Variants in ZNF451 observed in about 807,000 individuals in gnomAD.
ZNF451 encodes the protein zinc finger protein 451, also known as E3 SUMO-protein ligase ZNF451.
ZNF451 carries 80 observed loss-of-function variants against 107.1 expected under a neutral mutation model. The observed-to-expected ratio is 0.75, with a 90% confidence interval of 0.62 to 0.90. The LOEUF is 0.90. Among genes scored for constraint, ZNF451 ranks in the 40% least tolerant of loss-of-function variants. The pLI, the probability that ZNF451 is intolerant of heterozygous loss-of-function variation, is 0.00. For synonymous variants in ZNF451, 362 were observed against 406.5 expected (o/e 0.89, Z 1.32); for missense variants, 1,107 against 1,236.2 (o/e 0.90, Z 1.57).
At chr6:57,113,176 C>T (rs1431629979) in intron 3 of ZNF451, among the ~76,000 whole-genome samples, 1 of 152,086 alleles carries the variant, frequency 6.6e-6, no homozygotes, top group Non-Finnish European at 1.5e-5. Context: ...GTCTGCTGTT[C>T]CCCTATTTGT....
At chr6:57,156,386 A>T (rs1273040814) in intron 13 of ZNF451, among the ~76,000 whole-genome samples, 2 of 152,178 alleles carry the variant, frequency 1.3e-5, no homozygotes, top group Non-Finnish European at 2.9e-5. Flanking sequence ...AGTTTCTATT[A>T]AGGAATGGTA....
rs185447788 is a variant in ZNF451 at position 57,167,195 on chromosome 6, A to G, written c.3140-1228A>G. ...TTCGTATATATATACACACACACAC[A>G]CACACACACATATATACATATAACC... On this transcript the variant is annotated intron_variant, in intron 14 of 14. Coordinates refer to ENST00000370706, the MANE Select transcript of ZNF451 (RefSeq NM_001031623.3). Among the ~76,000 whole-genome samples the G allele has an allele frequency of 5.7e-3, 871 of 152,130 alleles. 5 individuals are homozygous for G. Among genetic ancestry groups the G allele is most frequent in the African/African-American group, 0.02 (842 of 41,496 alleles).
intron 2 of ZNF451, among the ~76,000 whole-genome samples, chr6:57,093,436 A>G (rs918223641): frequency 6.6e-6 from 1 of 152,188 alleles, no homozygotes; most frequent in African/African-American, 2.4e-5. Context: ...TGGGGCTGTG[A>G]TTGGTTTAAT....
At position 57,169,858 on chromosome 6, in the gene ZNF451, A is replaced by G. The variant is rs1373407128; in HGVS notation, c.*1389A>G. ...GTGGTCAAGCAAGGCTCTAGGAGGTAGTCACTGAGCTGGACCTTAAACACA... is the reference window on the plus strand; with the variant it reads ...GTGGTCAAGCAAGGCTCTAGGAGGTGGTCACTGAGCTGGACCTTAAACACA... On this transcript the variant is annotated 3_prime_UTR_variant, in exon 15 of 15. Coordinates refer to ENST00000370706, the MANE Select transcript of ZNF451 (RefSeq NM_001031623.3). 6.6e-6 allele frequency: 1 copy of G among 152,210 alleles called. No homozygotes were observed. The highest frequency in any genetic ancestry group is 1.5e-5 in the Non-Finnish European group (1 of 68,044). 9.4% of individuals were successfully genotyped at this position (152,210 alleles called of 1,614,324 possible).
rs1400582543 is a variant in ZNF451 at position 57,148,143 on chromosome 6, T to A, written c.2058T>A (p.Tyr686Ter). 2 of 1,613,980 alleles carry A rather than the reference T, an allele frequency of 1.2e-6. No homozygotes were observed. Among genetic ancestry groups the A allele is most frequent in the African/African-American group, 2.7e-5 (2 of 74,924 alleles). ...FNVEEAFLSH[Y>*]EEHHSIDYVF... ...TGGAAGAAGCATTTCTGAGTCATTA[T>A]GAGGAGCACCACAGCATAGATTATG... Residue 686 changes from tyrosine (Y) to a stop codon, truncating the protein, a stop_gained, in exon 10 of 15, where the codon TAT (tyrosine) becomes TAA (stop). Coordinates refer to ENST00000370706, the MANE Select transcript of ZNF451 (RefSeq NM_001031623.3). LOFTEE classifies it high-confidence loss of function.
chr6:57,146,995 C>G lies in ZNF451; in HGVS notation c.1005-95C>G, dbSNP rs754832980. On this transcript the variant is annotated intron_variant, in intron 9 of 14. Coordinates refer to ENST00000370706, the MANE Select transcript of ZNF451 (RefSeq NM_001031623.3). The stretch of plus-strand genomic sequence containing the variant: ...AAGTATCTTTTAGTGCTTATTTATA[C>G]GTTGGTTATTTTATAATTCCTGCAA... 7 of 1,117,056 alleles carry G rather than the reference C, an allele frequency of 6.3e-6. No individual in the cohort carries two copies. In the African/African-American group the frequency reaches 1.1e-4, roughly 18 times the overall value. The allele number at this position is 1,117,056 out of a possible 1,614,324, so 69.2% of individuals were successfully genotyped here.
intron 4 of ZNF451, among the ~76,000 whole-genome samples, chr6:57,128,127 T>C (rs1831018309): frequency 6.6e-6 from 1 of 152,200 alleles, no homozygotes; most frequent in Non-Finnish European, 1.5e-5. Flanking sequence ...ACATATTAAG[T>C]GCTAATGAGT....
intron 3 of ZNF451, chr6:57,106,972 A>G (rs1164431236): frequency 4.3e-6 from 4 of 926,664 alleles, no homozygotes; most frequent in Non-Finnish European, 5.2e-6. Flanking sequence ...TTCCTGGATG[A>G]ACAGAATATT....
chr6:57,104,774 A>C, intron 3 of ZNF451: 1 of 985,364 alleles, frequency 1.0e-6, no homozygotes, highest in Non-Finnish European at 1.2e-6. Flanking sequence ...GCCCAGTAAT[A>C]AGTAAAAGTA....
intron 13 of ZNF451, chr6:57,159,123 T>C (rs551374977): frequency 2.6e-4 from 259 of 985,376 alleles, no homozygotes; most frequent in Non-Finnish European, 3.1e-4. Context: ...GTTGATAAAA[T>C]TAATTCCATG....
intron 14 of ZNF451, among the ~76,000 whole-genome samples, chr6:57,163,426 A>G (rs1763754643): frequency 7.8e-6 from 1 of 128,642 alleles, no homozygotes; most frequent in Non-Finnish European, 1.7e-5. Flanking sequence ...TTGCTTGTTA[A>G]ATGAATAAAC....
intron 3 of ZNF451, chr6:57,106,780 C>T (rs562736876): frequency 2.3e-5 from 23 of 985,060 alleles, no homozygotes; most frequent in African/African-American, 3.5e-5. Context: ...TAGACTAGAT[C>T]GATTCTGTGT....
rs920154994 is a variant in ZNF451 at position 57,108,437 on chromosome 6, C to A, written c.186+9296C>A. The A allele has an allele frequency of 4.1e-6, 4 of 985,176 alleles. No individual in the cohort carries two copies. In the East Asian group the frequency reaches 4.5e-4, roughly 112 times the overall value. 61.0% of individuals were successfully genotyped at this position (985,176 alleles called of 1,614,324 possible). On this transcript the variant is annotated intron_variant, in intron 3 of 14. Transcript: ENST00000370706. ...ACTATATGTTGTGGTCCCTTAATAC[C>A]TCTTTTGATTGGTGAGGTAACAGTG...
intron 14 of ZNF451, among the ~76,000 whole-genome samples, chr6:57,163,332 G>A (rs913317700): frequency 2.5e-4 from 37 of 150,226 alleles, no homozygotes; most frequent in African/African-American, 9.1e-4. Context: ...CATCTCTGCT[G>A]ACTGTAAGCT....
intron 3 of ZNF451, chr6:57,109,451 C>T (rs772942070): frequency 2.2e-4 from 216 of 985,292 alleles, no homozygotes; most frequent in Non-Finnish European, 2.5e-4. Flanking sequence ...TTCTTACTCT[C>T]AAATGAGGTA....
chr6:57,164,142 A>G (rs1305165711), intron 14 of ZNF451, among the ~76,000 whole-genome samples: 3 of 152,216 alleles, frequency 2.0e-5, no homozygotes, highest in Non-Finnish European at 4.4e-5. Flanking sequence ...AGTCATAACA[A>G]TCCCATATAA....
At chr6:57,106,223 A>G (rs1829847793) in intron 3 of ZNF451, 1 of 985,242 alleles carries the variant, frequency 1.0e-6, no homozygotes, top group South Asian at 4.7e-5. Context: ...TGAAGATATA[A>G]CTAGTTGACT....
At chr6:57,132,791 A>T (rs961076578) in intron 5 of ZNF451, among the ~76,000 whole-genome samples, 2 of 152,082 alleles carry the variant, frequency 1.3e-5, no homozygotes, top group African/African-American at 2.4e-5. Flanking sequence ...AGCCTGGGAA[A>T]TACAGCAAGA....
intron 3 of ZNF451, chr6:57,104,383 T>A: frequency 1.0e-6 from 1 of 985,444 alleles, no homozygotes; most frequent in Non-Finnish European, 1.2e-6. Context: ...TAAGTGTTTC[T>A]GACTAGCTAA....
Sources: gnomAD v4.1 joint callset for allele counts (sites outside exome capture counted in the v4.1 genomes callset) on GRCh38, gnomAD v4.1.1 for gene constraint, MANE v1.5 for transcripts, NCBI Gene and HGNC (gene_info 2026-07-23, HGNC 2026-07-21) for gene names.